RALYL: variants seen among roughly 807,000 people sequenced by gnomAD.
The protein encoded by RALYL is RNA-binding Raly-like protein.
RALYL carries 29 observed loss-of-function variants against 35.1 expected under a neutral mutation model. The ratio of observed to expected loss-of-function variants is 0.83; its 90% confidence interval spans 0.61 to 1.13. RALYL has a LOEUF of 1.13. Ranked by LOEUF, RALYL falls within the 50% of genes most tolerant of loss-of-function variation. The pLI is 0.00. For missense variants in RALYL, 359 were observed against 360.4 expected (o/e 1.00, Z 0.03); for synonymous variants, 120 against 127.6 (o/e 0.94, Z 0.40).
chr8:84,577,803 G>A (rs1244220997), intron 2 of RALYL, among the ~76,000 whole-genome samples: 1 of 152,212 alleles, frequency 6.6e-6, no homozygotes, highest in African/African-American at 2.4e-5. Context: ...GAAAAGTTTT[G>A]ATTCATCATA....
chr8:84,814,499 C>T (rs1563664509), intron 4 of RALYL, among the ~76,000 whole-genome samples: 2 of 152,092 alleles, frequency 1.3e-5, no homozygotes, highest in Admixed American at 1.3e-4. Context: ...AATATTGATA[C>T]ATTTTTAATA....
intron 2 of RALYL, among the ~76,000 whole-genome samples, chr8:84,711,128 G>A (rs1445301116): frequency 1.3e-5 from 2 of 152,086 alleles, no homozygotes; most frequent in Non-Finnish European, 2.9e-5. Context: ...CAAAGTCCCT[G>A]AGGAACATTG....
At chr8:84,430,814 G>C (rs2047063188) in intron 1 of RALYL, among the ~76,000 whole-genome samples, 1 of 152,000 alleles carries the variant, frequency 6.6e-6, no homozygotes, top group Admixed American at 6.6e-5. Flanking sequence ...TAAGGAAAAT[G>C]TTCCTGTAAT....
chr8:84,903,278 TAAG>T (rs1354048726), intron 8 of RALYL, among the ~76,000 whole-genome samples: 2 of 152,168 alleles, frequency 1.3e-5, no homozygotes, highest in Non-Finnish European at 2.9e-5. Flanking sequence ...ATGGGAATAC[TAAG>T]AAGAAAGGAA....
chr8:84,507,731 G>T (rs188280288), intron 1 of RALYL, among the ~76,000 whole-genome samples: 44 of 152,202 alleles, frequency 2.9e-4, no homozygotes, highest in African/African-American at 9.6e-4. Context: ...ATCCACAGAG[G>T]TTTGCACTAG....
chr8:84,804,864 G>C, intron 4 of RALYL, 62 bp downstream of exon 4: 1 of 874,786 alleles, frequency 1.1e-6, no homozygotes, highest in Non-Finnish European at 1.5e-6. Flanking sequence ...AAGAACTTCT[G>C]AGATGGTATT....
intron 1 of RALYL, among the ~76,000 whole-genome samples, chr8:84,217,320 G>T (rs2131257596): frequency 6.6e-6 from 1 of 152,104 alleles, no homozygotes; most frequent in East Asian, 1.9e-4. Flanking sequence ...GAATGATTAT[G>T]ATTTCCAAAA....
chr8:84,208,631 C>G (rs1046559817), intron 1 of RALYL, among the ~76,000 whole-genome samples: 2 of 152,052 alleles, frequency 1.3e-5, no homozygotes, highest in Non-Finnish European at 2.9e-5. Flanking sequence ...TGAGCTCATC[C>G]CACACTTTTC....
chr8:84,843,321 T>C (rs7818458), intron 4 of RALYL, among the ~76,000 whole-genome samples: 2 of 151,854 alleles, frequency 1.3e-5, no homozygotes, highest in Non-Finnish European at 2.9e-5. Context: ...TATACACCAA[T>C]AACAGACAAA....
intron 2 of RALYL, among the ~76,000 whole-genome samples, chr8:84,650,970 A>G (rs923608902): frequency 6.6e-6 from 1 of 151,972 alleles, no homozygotes; most frequent in Non-Finnish European, 1.5e-5. Context: ...CTATCACAAG[A>G]ACAAAAAACC....
chr8:84,185,646 T>G (rs1812337392), intron 1 of RALYL, among the ~76,000 whole-genome samples: 1 of 152,056 alleles, frequency 6.6e-6, no homozygotes, highest in Admixed American at 6.5e-5. Context: ...TTTTCTTACC[T>G]TTTCCCCCCT....
intron 1 of RALYL, among the ~76,000 whole-genome samples, chr8:84,344,550 T>A (rs556064714): frequency 6.6e-6 from 1 of 152,086 alleles, no homozygotes; most frequent in Non-Finnish European, 1.5e-5. Context: ...TTAATTTAAT[T>A]TTTTGTAATT....
intron 2 of RALYL, among the ~76,000 whole-genome samples, chr8:84,535,690 G>A (rs1036026449): frequency 2.0e-5 from 3 of 149,474 alleles, no homozygotes; most frequent in Middle Eastern, 3.5e-3. Context: ...TAGCCAGGAC[G>A]GTCTTGATCT....
chr8:84,832,392 G>A (rs1831100917), intron 4 of RALYL, among the ~76,000 whole-genome samples: 1 of 152,046 alleles, frequency 6.6e-6, no homozygotes, highest in African/African-American at 2.4e-5. Flanking sequence ...TTAGGTCTGA[G>A]TTCTTTTCTT....
chr8:84,358,445 G>T (rs1257720429), intron 1 of RALYL, among the ~76,000 whole-genome samples: 1 of 151,852 alleles, frequency 6.6e-6, no homozygotes, highest in Non-Finnish European at 1.5e-5. Flanking sequence ...TGGCCTACTA[G>T]GAATACATGA....
chr8:84,417,334 G>T (rs990367068), intron 1 of RALYL, among the ~76,000 whole-genome samples: 1 of 152,030 alleles, frequency 6.6e-6, no homozygotes, highest in African/African-American at 2.4e-5. Context: ...GGGCAAGGTA[G>T]GATCCTCCTT....
intron 1 of RALYL, among the ~76,000 whole-genome samples, chr8:84,484,044 A>G (rs1409528916): frequency 2.0e-5 from 3 of 152,048 alleles, no homozygotes; most frequent in African/African-American, 4.8e-5. Flanking sequence ...CTTTTTTGAA[A>G]CACTTTCATT....
intron 1 of RALYL, among the ~76,000 whole-genome samples, chr8:84,194,213 G>A (rs1292759542): frequency 6.6e-6 from 1 of 152,182 alleles, no homozygotes; most frequent in Non-Finnish European, 1.5e-5. Context: ...AGTATTAAAA[G>A]TGTAATTTTG....
intron 2 of RALYL, among the ~76,000 whole-genome samples, chr8:84,562,662 T>TGCTA (rs2061538093): frequency 7.6e-6 from 1 of 131,256 alleles, no homozygotes; most frequent in African/African-American, 3.3e-5. Flanking sequence ...TAAAAATCAC[T>TGCTA]ACTAACTAAC....
Sources: allele counts gnomAD v4.1 joint callset (sites outside exome capture counted in the v4.1 genomes callset), GRCh38; gene constraint gnomAD v4.1.1; transcripts MANE v1.5; gene names NCBI Gene and HGNC (gene_info 2026-07-23, HGNC 2026-07-21).